Variants in UNC13C observed in about 807,000 individuals in gnomAD.
UNC13C encodes the protein protein unc-13 homolog C.
Under a neutral mutation model 245.4 loss-of-function variants are expected in UNC13C, and 174 were observed. That is an observed-to-expected ratio of 0.71 (90% confidence interval 0.63 to 0.80). The LOEUF is 0.80. UNC13C is among the 30% of genes least tolerant of loss of function. The pLI, the probability that UNC13C is intolerant of heterozygous loss-of-function variation, is 0.00. For synonymous variants in UNC13C, 992 were observed against 895.1 expected (o/e 1.11, Z -1.93); for missense variants, 2,829 against 2,602.9 (o/e 1.09, Z -1.89).
intron 30 of UNC13C, among the ~76,000 whole-genome samples, chr15:54,604,781 C>T (rs899144315): frequency 6.6e-6 from 1 of 152,160 alleles, no homozygotes; most frequent in African/African-American, 2.4e-5. Context: ...TGTTGTTACT[C>T]TGACAGGGCA....
At chr15:54,359,995 T>C (rs558346453) in intron 17 of UNC13C, among the ~76,000 whole-genome samples, 3 of 152,074 alleles carry the variant, frequency 2.0e-5, no homozygotes, top group African/African-American at 7.2e-5. Flanking sequence ...CTGTATCTCA[T>C]AGGTTTGGGT....
chr15:54,466,523 G>A (rs930407141), intron 19 of UNC13C, among the ~76,000 whole-genome samples: 11 of 151,864 alleles, frequency 7.2e-5, no homozygotes, highest in Non-Finnish European at 1.5e-4. Context: ...TGTGACAAAA[G>A]GGCATGTTGG....
At chr15:54,533,773 G>C (rs1161612190) in intron 26 of UNC13C, among the ~76,000 whole-genome samples, 2 of 152,156 alleles carry the variant, frequency 1.3e-5, no homozygotes, top group African/African-American at 4.8e-5. Context: ...AATTTAGTAA[G>C]TTTGAGGCAG....
chr15:54,001,614 T>G (rs1487225005), intron 1 of UNC13C, among the ~76,000 whole-genome samples: 1 of 152,122 alleles, frequency 6.6e-6, no homozygotes, highest in Non-Finnish European at 1.5e-5. Flanking sequence ...ATCGTATTAT[T>G]TAATAATAAT....
intron 24 of UNC13C, among the ~76,000 whole-genome samples, chr15:54,519,605 A>G (rs1895131046): frequency 6.6e-6 from 1 of 152,222 alleles, no homozygotes; most frequent in Admixed American, 6.5e-5. Context: ...ACATTCATGC[A>G]AATCTGAATA....
At chr15:53,848,899 T>C in the UNC13C span, among the ~76,000 whole-genome samples, 51 of 152,194 alleles carry the variant, frequency 3.4e-4, no homozygotes, top group African/African-American at 8.2e-4. Flanking sequence ...TCTCTCTCTA[T>C]TCATTGCAGT....
intron 2 of UNC13C, chr15:54,050,570 T>G (rs1446618533): frequency 4.6e-6 from 2 of 436,466 alleles, no homozygotes; most frequent in Admixed American, 6.0e-5. Flanking sequence ...CAGAGTGAGC[T>G]GCTACACTTT....
intron 19 of UNC13C, among the ~76,000 whole-genome samples, chr15:54,470,628 T>C (rs1314013098): frequency 1.3e-5 from 2 of 151,442 alleles, no homozygotes; most frequent in Non-Finnish European, 3.0e-5. Flanking sequence ...TTGAGCCTTC[T>C]CTCTTTTTTC....
At chr15:53,933,463 A>G in the UNC13C span, among the ~76,000 whole-genome samples, 4 of 152,194 alleles carry the variant, frequency 2.6e-5, no homozygotes, top group African/African-American at 9.7e-5. Flanking sequence ...AGACATTTAA[A>G]TATTTACTTC....
chr15:53,940,823 G>T, the UNC13C span, among the ~76,000 whole-genome samples: 1 of 152,008 alleles, frequency 6.6e-6, no homozygotes, highest in South Asian at 2.1e-4. Context: ...AGGACACAAA[G>T]AAATGGAAAA....
intron 19 of UNC13C, among the ~76,000 whole-genome samples, chr15:54,463,505 T>C (rs1442754949): frequency 6.6e-6 from 1 of 151,454 alleles, no homozygotes; most frequent in Non-Finnish European, 1.5e-5. Flanking sequence ...CTGGGAGGAA[T>C]GAGCAACTCT....
chr15:54,137,660 G>A (rs998786537), intron 2 of UNC13C, among the ~76,000 whole-genome samples: 1 of 151,754 alleles, frequency 6.6e-6, no homozygotes, highest in Non-Finnish European at 1.5e-5. Flanking sequence ...TGTGCTACCA[G>A]TTGTAATGTT....
intron 17 of UNC13C, among the ~76,000 whole-genome samples, chr15:54,375,868 A>T (rs2039596108): frequency 6.6e-6 from 1 of 152,196 alleles, no homozygotes; most frequent in East Asian, 1.9e-4. Flanking sequence ...ACCCATTAAA[A>T]CTGTGTGACA....
intron 19 of UNC13C, among the ~76,000 whole-genome samples, chr15:54,482,632 C>CAGATGCTGTATTCCACTGTTCTCTCCT (rs1893186642): frequency 6.6e-6 from 1 of 152,206 alleles, no homozygotes; most frequent in Non-Finnish European, 1.5e-5. Context: ...TGTTCTCTCC[C>CAGATGCTGTATTCCACTGTTCTCTCCT]AGATGCTGTA....
intron 17 of UNC13C, among the ~76,000 whole-genome samples, chr15:54,370,210 G>A (rs965230715): frequency 6.6e-5 from 10 of 152,142 alleles, no homozygotes; most frequent in East Asian, 3.9e-4. Context: ...TTCAGCAAGC[G>A]TCAAATTGTA....
chr15:54,511,468 G>A (rs796361926), intron 23 of UNC13C, among the ~76,000 whole-genome samples: 10 of 152,148 alleles, frequency 6.6e-5, no homozygotes, highest in African/African-American at 2.4e-4. Flanking sequence ...TACTTTCTAA[G>A]TATGAAATGT....
chr15:54,369,853 C>T (rs1330742020), intron 17 of UNC13C, among the ~76,000 whole-genome samples: 1 of 152,102 alleles, frequency 6.6e-6, no homozygotes, highest in East Asian at 1.9e-4. Context: ...TCTAATAACG[C>T]ATCTCGCTTG....
intron 10 of UNC13C, among the ~76,000 whole-genome samples, chr15:54,279,997 A>G (rs757525035): frequency 6.6e-5 from 10 of 152,204 alleles, no homozygotes; most frequent in Non-Finnish European, 1.5e-4. Context: ...AGCAGATAGA[A>G]GGGTAAGCAC....
chr15:54,062,714 A>C (rs1897898661), intron 2 of UNC13C, among the ~76,000 whole-genome samples: 1 of 152,156 alleles, frequency 6.6e-6, no homozygotes, highest in Non-Finnish European at 1.5e-5. Flanking sequence ...AACCCCACCC[A>C]AGCATACTGC....
Sources: gnomAD v4.1 joint callset for allele counts (sites outside exome capture counted in the v4.1 genomes callset) on GRCh38, gnomAD v4.1.1 for gene constraint, MANE v1.5 for transcripts, NCBI Gene and HGNC (gene_info 2026-07-23, HGNC 2026-07-21) for gene names.